The following MYO10 variants were observed in gnomAD, a reference collection of about 807,000 sequenced individuals.
The protein encoded by MYO10 is myosin X, also known as unconventional myosin-X.
MYO10 carries 133 observed loss-of-function variants against 257.3 expected under a neutral mutation model. The observed-to-expected ratio is 0.52, with a 90% CI of 0.45 to 0.60. The LOEUF (loss-of-function observed/expected upper bound fraction) is 0.60, where lower values mean the gene tolerates loss of function less well. MYO10 is among the 20% of genes least tolerant of loss of function. The pLI, the probability that MYO10 is intolerant of heterozygous loss-of-function variation, is 0.00. For missense variants in MYO10, 2,399 were observed against 2,635.7 expected, an observed-to-expected ratio of 0.91 and a Z score of 1.97; for synonymous variants, 1,104 against 1,028.6, an observed-to-expected ratio of 1.07 and a Z score of -1.40.
intron 1 of MYO10, among the ~76,000 whole-genome samples, chr5:16,932,735 CT>C (rs1746324203): frequency 6.6e-6 from 1 of 152,116 alleles, no homozygotes; most frequent in Non-Finnish European, 1.5e-5. Flanking sequence ...AAGCTTCCCC[CT>C]GGCGCGCAGT....
chr5:16,753,684 T>C (rs1432953436), intron 19 of MYO10, among the ~76,000 whole-genome samples: 1 of 148,890 alleles, frequency 6.7e-6, no homozygotes, highest in Admixed American at 6.8e-5. Context: ...TTGGCCAGGC[T>C]GGTCTCAAAT....
chr5:16,704,562 C>T lies in MYO10; in HGVS notation c.2276+17G>A. The T allele has an allele frequency of 1.2e-6, 2 of 1,607,950 alleles. No homozygotes were observed. Among genetic ancestry groups the T allele is most frequent in the Middle Eastern group, 1.7e-4 (1 of 6,060 alleles). Reference sequence around the variant, plus strand: ...CATGGAGCTTCCTGCCTTATCCCCTCAGCGTGGGGTTCTTACCGTGCTAAG... The same window carrying T: ...CATGGAGCTTCCTGCCTTATCCCCTTAGCGTGGGGTTCTTACCGTGCTAAG... On this transcript the variant is annotated intron_variant, in intron 22 of 40. Transcript: ENST00000513610.
At chr5:16,836,628 G>A (rs1743320562) in intron 2 of MYO10, among the ~76,000 whole-genome samples, 3 of 152,214 alleles carry the variant, frequency 2.0e-5, no homozygotes, top group African/African-American at 2.4e-5. Flanking sequence ...GAGCAGTCAC[G>A]TCCTTCAGAG....
chr5:16,677,762 ACT>A lies in MYO10; in HGVS notation c.4543-1610_4543-1609del, dbSNP rs528190543. On this transcript the variant is annotated intron_variant, in intron 33 of 40. Transcript: ENST00000513610. Reference sequence around the variant, plus strand: ...GCTTCATATTTGAAAAATCATATTTACTCTTTTTTTTTTTGCAGACAGAGTTT... The same window carrying A: ...GCTTCATATTTGAAAAATCATATTTACTTTTTTTTTTTGCAGACAGAGTTT... 4.3e-5 allele frequency among the ~76,000 whole-genome samples: 5 copies of A among 117,546 alleles called. No individual in the cohort carries two copies. The South Asian group carries it at 1.4e-3, about 33-fold the overall frequency. The allele number at this position is 117,546 out of a possible 152,430, so 77.1% of individuals were successfully genotyped here.
At chr5:16,814,099 T>C (rs1119572) in intron 3 of MYO10, among the ~76,000 whole-genome samples, 23,252 of 152,200 alleles carry the variant, frequency 0.15, 1,887 homozygotes, top group South Asian at 0.28. Flanking sequence ...TGATTTCTGC[T>C]GGTGAGACTT....
intron 3 of MYO10, among the ~76,000 whole-genome samples, chr5:16,795,735 C>G (rs1207604028): frequency 1.3e-5 from 2 of 151,954 alleles, no homozygotes; most frequent in African/African-American, 4.8e-5. Context: ...TCTCGAACTC[C>G]TGGTTTTGAG....
chr5:16,737,542 G>C lies in MYO10; in HGVS notation c.1929+17286C>G, dbSNP rs551396333. ...CGATACACCATTTTCTATTTTAGTT[G>C]AATAGTAAAACACACAGTTAAAAGC... On this transcript the variant is annotated intron_variant, in intron 19 of 40. Coordinates refer to ENST00000513610, the MANE Select transcript of MYO10 (RefSeq NM_012334.3). 3.9e-5 allele frequency among the ~76,000 whole-genome samples: 6 copies of C among 152,298 alleles called. No homozygotes were observed. The East Asian group carries it at 1.2e-3, about 29-fold the overall frequency.
chr5:16,882,586 C>T (rs1197993595), intron 1 of MYO10, among the ~76,000 whole-genome samples: 1 of 151,744 alleles, frequency 6.6e-6, no homozygotes, highest in African/African-American at 2.4e-5. Context: ...AAAAAAAAAT[C>T]ACTGATACAT....
At chr5:16,789,253 C>T (rs250346) in intron 4 of MYO10, among the ~76,000 whole-genome samples, 69,751 of 152,106 alleles carry the variant, frequency 0.46, 16,257 homozygotes, top group Non-Finnish European at 0.48. Context: ...GAGGTGCTTT[C>T]GCCCACAAAG....
At chr5:16,898,087 T>C (rs1580127945) in intron 1 of MYO10, among the ~76,000 whole-genome samples, 2 of 152,134 alleles carry the variant, frequency 1.3e-5, no homozygotes, top group Non-Finnish European at 2.9e-5. Flanking sequence ...CTGGACCAAG[T>C]ATGGACAGTT....
chr5:16,818,980 AG>A (rs1742723524), intron 2 of MYO10, among the ~76,000 whole-genome samples: 2 of 152,310 alleles, frequency 1.3e-5, no homozygotes, highest in South Asian at 4.1e-4. Flanking sequence ...ATAATTTCAA[AG>A]CTTTATAATA....
At chr5:16,932,132 C>T (rs1746309554) in intron 1 of MYO10, among the ~76,000 whole-genome samples, 1 of 152,174 alleles carries the variant, frequency 6.6e-6, no homozygotes. Flanking sequence ...GAATATTTTC[C>T]ACTAACAATT....
chr5:16,819,038 G>A (rs1169376372), intron 2 of MYO10, among the ~76,000 whole-genome samples: 2 of 151,968 alleles, frequency 1.3e-5, no homozygotes, highest in African/African-American at 2.4e-5. Context: ...TATGGTATAC[G>A]TTCATATTGA....
At chr5:16,685,076 T>C (rs1256291281) in intron 29 of MYO10, among the ~76,000 whole-genome samples, 1 of 152,146 alleles carries the variant, frequency 6.6e-6, no homozygotes, top group Non-Finnish European at 1.5e-5. Flanking sequence ...CAATTTAGAT[T>C]TCACCAAGTC....
intron 1 of MYO10, among the ~76,000 whole-genome samples, chr5:16,897,869 A>G (rs1745258812): frequency 6.6e-6 from 1 of 152,252 alleles, no homozygotes; most frequent in African/African-American, 2.4e-5. Context: ...CTAAGTGGCT[A>G]GCAGAATTCA....
chr5:16,734,105 A>G (rs896555276), intron 19 of MYO10, among the ~76,000 whole-genome samples: 1 of 138,198 alleles, frequency 7.2e-6, no homozygotes, highest in African/African-American at 2.9e-5. Flanking sequence ...AATAAAAGGG[A>G]TGCAAAAAAA....
intron 1 of MYO10, among the ~76,000 whole-genome samples, chr5:16,904,114 AG>A (rs1488291899): frequency 3.8e-5 from 5 of 133,084 alleles, no homozygotes; most frequent in African/African-American, 1.8e-4. Context: ...AACCAGTGAA[AG>A]AAATCAGTCA....
At chr5:16,766,518 C>T (rs1740873222) in intron 10 of MYO10, among the ~76,000 whole-genome samples, 1 of 151,936 alleles carries the variant, frequency 6.6e-6, no homozygotes, top group Admixed American at 6.6e-5. Flanking sequence ...CAAGTTCTGC[C>T]TCCCGGGTTC....
In MYO10 at chr5:16,699,547, A is replaced by G; in HGVS notation, c.3459T>C (p.Asp1153=). The G allele has an allele frequency of 6.2e-7, 1 of 1,613,890 alleles. No homozygotes were observed. Among genetic ancestry groups the G allele is most frequent in the Non-Finnish European group, 8.5e-7 (1 of 1,179,892 alleles). ...SSFEDSEEDF[D]SRFDTDDELS... ...GCTCATCATCTGTATCAAACCTGGA[A>G]TCAAAGTCCTCTTCACTATCTTCAA... Residue 1153 remains aspartate (D), a synonymous_variant, in exon 26 of 41, where the codon GAT becomes GAC. Transcript: ENST00000513610.
Sources: gnomAD v4.1 joint callset for allele counts (sites outside exome capture counted in the v4.1 genomes callset) on GRCh38, gnomAD v4.1.1 for gene constraint, MANE v1.5 for transcripts, NCBI Gene and HGNC (gene_info 2026-07-23, HGNC 2026-07-21) for gene names.